The following ABCC9 variants were observed in gnomAD, a reference collection of about 807,000 sequenced individuals.
ABCC9 encodes ATP-binding cassette sub-family C member 9.
A neutral mutation model predicts 188.3 loss-of-function variants in ABCC9; 95 were observed. The ratio of observed to expected loss-of-function variants is 0.50; its 90% CI spans 0.43 to 0.60. The LOEUF (loss-of-function observed/expected upper bound fraction) is 0.60. Among genes scored for constraint, ABCC9 ranks in the 20% least tolerant of loss-of-function variants. ABCC9 has a pLI of 0.00. For missense variants in ABCC9, 1,102 were observed against 1,876.3 expected, an observed-to-expected ratio of 0.59 and a Z score of 7.62; for synonymous variants, 659 against 652.7, an observed-to-expected ratio of 1.01 and a Z score of -0.15.
chr12:21,811,950 C>T (rs1255441545), intron 36 of ABCC9, 99 bp downstream of exon 36: 37 of 824,402 alleles, frequency 4.5e-5, no homozygotes, highest in Admixed American at 9.0e-5. Context: ...GCCTTGATAT[C>T]AGTTCACTCA....
At chr12:21,932,924 C>T (rs1021701511) in intron 4 of ABCC9, among the ~76,000 whole-genome samples, 6 of 151,370 alleles carry the variant, frequency 4.0e-5, no homozygotes, top group African/African-American at 1.2e-4. Flanking sequence ...AAGACACAAG[C>T]ATGCATGCAT....
chr12:21,827,352 C>T (rs1297224299), intron 31 of ABCC9: 1 of 980,912 alleles, frequency 1.0e-6, no homozygotes, highest in Non-Finnish European at 1.2e-6. Context: ...ACTCTCACCT[C>T]AAGTCCAAGG....
chr12:21,927,971 G>A (rs1029057766), intron 4 of ABCC9, among the ~76,000 whole-genome samples: 1 of 152,088 alleles, frequency 6.6e-6, no homozygotes, highest in Non-Finnish European at 1.5e-5. Context: ...TGCAATCCCT[G>A]CATTTAGCAA....
intron 23 of ABCC9, 35 bp downstream of exon 23, chr12:21,852,333 A>G: frequency 6.2e-7 from 1 of 1,613,526 alleles, no homozygotes; most frequent in Non-Finnish European, 8.5e-7. Flanking sequence ...TGACTATAAT[A>G]TAAAAATGAG....
At chr12:21,930,776 C>A (rs1949252066) in intron 4 of ABCC9, among the ~76,000 whole-genome samples, 1 of 151,978 alleles carries the variant, frequency 6.6e-6, no homozygotes, top group South Asian at 2.1e-4. Flanking sequence ...TATCATTCAG[C>A]ACTAAAATGA....
intron 38 of ABCC9, among the ~76,000 whole-genome samples, chr12:21,806,719 T>C (rs552892009): frequency 6.6e-6 from 1 of 152,316 alleles, no homozygotes; most frequent in African/African-American, 2.4e-5. Flanking sequence ...TAATATCAAG[T>C]TAACTTTCAG....
chr12:21,850,156 G>A (rs1944888568), intron 24 of ABCC9, among the ~76,000 whole-genome samples: 1 of 150,768 alleles, frequency 6.6e-6, no homozygotes, highest in Non-Finnish European at 1.5e-5. Context: ...GAGCACACTA[G>A]ATGCTAATAG....
intron 18 of ABCC9, among the ~76,000 whole-genome samples, chr12:21,864,973 A>G (rs867993395): frequency 2.0e-5 from 3 of 152,188 alleles, no homozygotes; most frequent in Admixed American, 6.5e-5. Context: ...GGAGCTTGTA[A>G]GAAAAACAGA....
chr12:21,878,844 T>A (rs1234804850), intron 16 of ABCC9, among the ~76,000 whole-genome samples: 1 of 152,178 alleles, frequency 6.6e-6, no homozygotes, highest in African/African-American at 2.4e-5. Context: ...TAATTTCTCC[T>A]GCTGCCATTT....
At chr12:21,871,110 A>AT (rs1021653235) in intron 18 of ABCC9, among the ~76,000 whole-genome samples, 2 of 152,200 alleles carry the variant, frequency 1.3e-5, no homozygotes, top group African/African-American at 4.8e-5. Flanking sequence ...GTAAATCAGG[A>AT]TAAAAACAAA....
intron 5 of ABCC9, chr12:21,923,006 A>G (rs944371824): frequency 6.6e-6 from 1 of 151,372 alleles, no homozygotes; most frequent in African/African-American, 2.4e-5. Flanking sequence ...TTTTTTTTAC[A>G]TAAGTGCCAA....
intron 15 of ABCC9, among the ~76,000 whole-genome samples, chr12:21,885,336 C>G (rs1323990696): frequency 6.6e-6 from 1 of 152,164 alleles, no homozygotes; most frequent in East Asian, 1.9e-4. Flanking sequence ...GAAGTCCAGT[C>G]TGGTTTCAAT....
chr12:21,857,744 A>G (rs981151162), intron 22 of ABCC9, among the ~76,000 whole-genome samples: 2 of 152,190 alleles, frequency 1.3e-5, no homozygotes, highest in African/African-American at 4.8e-5. Flanking sequence ...GGCAGGCGTG[A>G]GACAAAGAAT....
At chr12:21,834,784 TATACACACACACACACACACAC>T (rs1436765471) in intron 30 of ABCC9, among the ~76,000 whole-genome samples, 1 of 30,310 alleles carries the variant, frequency 3.3e-5, no homozygotes, top group Non-Finnish European at 7.0e-5. Context: ...TATATAACAT[TATACACACACACACACACACAC>T]ACACACACAC....
At chr12:21,899,909 G>GA (rs1216117241) in intron 12 of ABCC9, among the ~76,000 whole-genome samples, 12 of 152,294 alleles carry the variant, frequency 7.9e-5, no homozygotes, top group Admixed American at 7.2e-4. Flanking sequence ...ACAAAAGGCA[G>GA]AAAAAACCTC....
chr12:21,875,289 T>G (rs1237970035), intron 17 of ABCC9, among the ~76,000 whole-genome samples: 1 of 152,218 alleles, frequency 6.6e-6, no homozygotes, highest in Admixed American at 6.5e-5. Context: ...ATTTAAATTT[T>G]AAGTATCTTG....
intron 8 of ABCC9, 65 bp downstream of exon 8, chr12:21,912,807 A>G: frequency 2.6e-6 from 4 of 1,546,822 alleles, no homozygotes; most frequent in Non-Finnish European, 3.6e-6. Context: ...TGCATTAATA[A>G]AAAGTGACAA....
At chr12:21,816,884 T>C (rs1409277137) in intron 33 of ABCC9, among the ~76,000 whole-genome samples, 1 of 152,168 alleles carries the variant, frequency 6.6e-6, no homozygotes, top group African/African-American at 2.4e-5. Flanking sequence ...GTTAATAACG[T>C]CTTGAGAAAG....
At chr12:21,877,804 G>A (rs1281634021) in intron 16 of ABCC9, among the ~76,000 whole-genome samples, 1 of 152,200 alleles carries the variant, frequency 6.6e-6, no homozygotes, top group Non-Finnish European at 1.5e-5. Flanking sequence ...AAGGATGGCA[G>A]ATAGCTATTG....
Sources: gnomAD v4.1 joint callset for allele counts (sites outside exome capture counted in the v4.1 genomes callset) on GRCh38, gnomAD v4.1.1 for gene constraint, MANE v1.5 for transcripts, NCBI Gene and HGNC (gene_info 2026-07-23, HGNC 2026-07-21) for gene names.